RSAD2: variants seen among roughly 807,000 people sequenced by gnomAD.
RSAD2 encodes radical S-adenosyl methionine domain containing 2.
A neutral mutation model predicts 37.7 loss-of-function variants in RSAD2; 38 were observed. The ratio of observed to expected loss-of-function variants is 1.01; its 90% CI spans 0.78 to 1.32. The LOEUF is 1.32. RSAD2 is among the 40% of genes most tolerant of loss of function. The pLI is 0.00. For synonymous variants in RSAD2, 163 were observed against 157.4 expected (o/e 1.04, Z -0.27); for missense variants, 428 against 437.5 (o/e 0.98, Z 0.19).
chr2:6,894,659 T>C (rs1479422469), intron 5 of RSAD2, among the ~76,000 whole-genome samples: 1 of 152,102 alleles, frequency 6.6e-6, no homozygotes, highest in Non-Finnish European at 1.5e-5. Flanking sequence ...TTGTAGAGAT[T>C]GGATTTTGCC....
chr2:6,887,128 G>C lies in RSAD2; in HGVS notation c.702G>C (p.Thr234=), dbSNP rs372358041. The change falls in exon 3 of 6, where the codon ACG becomes ACC. Residue 234 remains threonine, a synonymous_variant. Transcript: ENST00000382040. ...INRFNVEEDM[T]EQIKALNPVR... ...GTTTCAACGTGGAAGAGGACATGAC[G>C]GAACAGATCAAAGCACTAAACCCTG... is the stretch of plus-strand genomic sequence containing the variant. The C allele has an allele frequency of 6.2e-7, 1 of 1,613,882 alleles. No homozygotes were observed. Among genetic ancestry groups the C allele is most frequent in the African/African-American group, 1.3e-5 (1 of 74,924 alleles).
At chr2:6,892,124 A>C (rs1455964674) in intron 4 of RSAD2, among the ~76,000 whole-genome samples, 2 of 152,192 alleles carry the variant, frequency 1.3e-5, no homozygotes, top group African/African-American at 4.8e-5. Flanking sequence ...TATTTTAAAA[A>C]CAGCTTCTCC....
At chr2:6,869,382 GAAAAGA>G (rs1210692707) in intron 1 of RSAD2, among the ~76,000 whole-genome samples, 1 of 9,296 alleles carries the variant, frequency 1.1e-4, no homozygotes. Context: ...ACACACTCAT[GAAAAGA>G]AAAAAAAAAT....
chr2:6,876,504 A>AG (rs1385114789), upstream of RSAD2, among the ~76,000 whole-genome samples: 3 of 152,218 alleles, frequency 2.0e-5, no homozygotes, highest in Non-Finnish European at 2.9e-5. Context: ...ATGTTTATGA[A>AG]GAAGTGAGAT....
At chr2:6,878,284 C>A in intron 1 of RSAD2, 138 bp downstream of exon 1, 1 of 690,704 alleles carries the variant, frequency 1.4e-6, no homozygotes, top group Non-Finnish European at 2.4e-6. Flanking sequence ...GCATGGTGAG[C>A]ATGTTGTCCT....
At chr2:6,884,247 C>A (rs1558335887) in intron 2 of RSAD2, among the ~76,000 whole-genome samples, 1 of 152,116 alleles carries the variant, frequency 6.6e-6, no homozygotes, top group Non-Finnish European at 1.5e-5. Flanking sequence ...CTCTGATACC[C>A]CATCTGTGAT....
At chr2:6,886,390 G>T (rs949931080) in intron 2 of RSAD2, among the ~76,000 whole-genome samples, 2 of 152,156 alleles carry the variant, frequency 1.3e-5, no homozygotes, top group African/African-American at 2.4e-5. Context: ...CCTTTCTCTT[G>T]GTTTTCTTGG....
chr2:6,884,546 A>C (rs551520604), intron 2 of RSAD2, among the ~76,000 whole-genome samples: 11 of 152,346 alleles, frequency 7.2e-5, no homozygotes, highest in Admixed American at 1.3e-4. Flanking sequence ...GTGGGTACCC[A>C]GCCAATGCCC....
intron 3 of RSAD2, among the ~76,000 whole-genome samples, chr2:6,887,684 C>G (rs1663550799): frequency 6.6e-6 from 1 of 152,220 alleles, no homozygotes; most frequent in Non-Finnish European, 1.5e-5. Flanking sequence ...ACATATGCAG[C>G]TCCCACTCTG....
rs566285326 is a variant in RSAD2 at position 6,878,143 on chromosome 2, G to A, written c.343G>A (p.Ala115Thr). ...AKRGLLLLKE[A>T]GMEKINFSGG... ...GAGAGGATTGCTTTTGCTTAAGGAA[G>A]CTGGTGAGTACATGGTCCTAGACAG... Residue 115 changes from alanine (A) to threonine (T), a missense_variant, in exon 1 of 6, where the codon GCT (alanine) becomes ACT (threonine). Physicochemically the swap from Ala to Thr is moderately conservative, Grantham distance 58. Transcript: ENST00000382040. 2.4e-5 allele frequency: 39 copies of A among 1,612,372 alleles called. No homozygotes were observed. Among genetic ancestry groups the A allele is most frequent in the Non-Finnish European group, 3.3e-5 (39 of 1,179,196 alleles).
chr2:6,877,804 T>C lies in RSAD2; in HGVS notation c.4T>C (p.Trp2Arg). 1 of 1,613,000 alleles carries C rather than the reference T, an allele frequency of 6.2e-7. No homozygotes were observed. Among genetic ancestry groups the C allele is most frequent in the South Asian group, 1.1e-5 (1 of 90,988 alleles). Residue 2 changes from tryptophan to arginine, a missense_variant, in exon 1 of 6, where the codon TGG (tryptophan) becomes CGG (arginine). Trp to Arg is a moderately radical substitution (Grantham distance 101, BLOSUM62 -3). Transcript: ENST00000382040. ...TCTGCTCCAGGCATCTGCCACAATG[T>C]GGGTGCTTACACCTGCTGCTTTTGC... The part of the protein sequence containing the change: M[W>R]VLTPAAFAGK...
At chr2:6,871,698 AT>A (rs1260811189) in intron 1 of RSAD2, among the ~76,000 whole-genome samples, 1 of 152,130 alleles carries the variant, frequency 6.6e-6, no homozygotes, top group African/African-American at 2.4e-5. Flanking sequence ...GCCTACCTGT[AT>A]TTTTTTGTGT....
intron 1 of RSAD2, among the ~76,000 whole-genome samples, chr2:6,878,414 A>G (rs544423116): frequency 6.6e-6 from 1 of 152,336 alleles, no homozygotes; most frequent in Admixed American, 6.5e-5. Context: ...GGAAGCAAGA[A>G]GGGGTCTATG....
At chr2:6,879,747 C>A (rs1054402216) in intron 1 of RSAD2, among the ~76,000 whole-genome samples, 5 of 151,894 alleles carry the variant, frequency 3.3e-5, no homozygotes, top group Non-Finnish European at 5.9e-5. Context: ...TGTGTGTCTT[C>A]ATGCCTGACA....
chr2:6,893,530 G>A, intron 4 of RSAD2, 141 bp from the exon 5 acceptor site: 2 of 695,214 alleles, frequency 2.9e-6, no homozygotes, highest in South Asian at 1.7e-5. Flanking sequence ...TGTCTTGTGA[G>A]GGCCATGCCA....
At chr2:6,872,085 A>G (rs1052437165) in intron 1 of RSAD2, among the ~76,000 whole-genome samples, 6 of 152,280 alleles carry the variant, frequency 3.9e-5, no homozygotes, top group Non-Finnish European at 7.4e-5. Context: ...AAATTTTTAA[A>G]TTAACTTTCG....
intron 5 of RSAD2, among the ~76,000 whole-genome samples, chr2:6,895,104 C>T (rs573374677): frequency 1.5e-4 from 22 of 150,546 alleles, no homozygotes; most frequent in Middle Eastern, 6.9e-3. Context: ...GAAATCGTTT[C>T]TGCCTACAGA....
chr2:6,871,183 A>G (rs1012210408), intron 1 of RSAD2, among the ~76,000 whole-genome samples: 20 of 152,356 alleles, frequency 1.3e-4, no homozygotes, highest in African/African-American at 4.6e-4. Context: ...AGTGAAATAG[A>G]AAGATTAGCG....
At chr2:6,894,965 G>T (rs1381770303) in intron 5 of RSAD2, among the ~76,000 whole-genome samples, 1 of 152,186 alleles carries the variant, frequency 6.6e-6, no homozygotes, top group African/African-American at 2.4e-5. Context: ...CAAACTCACT[G>T]GTCTCCACAT....
Sources: gnomAD v4.1 joint callset for allele counts (sites outside exome capture counted in the v4.1 genomes callset) on GRCh38, gnomAD v4.1.1 for gene constraint, MANE v1.5 for transcripts, NCBI Gene and HGNC (gene_info 2026-07-23, HGNC 2026-07-21) for gene names.